The following PACRG variants were observed in gnomAD, a reference collection of about 807,000 sequenced individuals.
The protein encoded by PACRG is parkin coregulated, also known as parkin coregulated gene protein.
PACRG carries 29 observed loss-of-function variants against 29.7 expected under a neutral mutation model. That is an observed-to-expected ratio of 0.98 (90% CI 0.73 to 1.33). PACRG has a LOEUF of 1.33. Among genes scored for constraint, PACRG ranks in the 40% most tolerant of loss-of-function variants. PACRG has a pLI of 0.00. For synonymous variants in PACRG, 116 were observed against 118.7 expected (o/e 0.98, Z 0.15); for missense variants, 279 against 316.2 (o/e 0.88, Z 0.89).
At chr6:163,043,794 A>G (rs1809014259) in intron 2 of PACRG, among the ~76,000 whole-genome samples, 1 of 152,178 alleles carries the variant, frequency 6.6e-6, no homozygotes. Flanking sequence ...CGACATGGAC[A>G]TTGTCGGAAT....
chr6:163,277,421 G>A (rs1325067843), intron 4 of PACRG, among the ~76,000 whole-genome samples: 1 of 151,076 alleles, frequency 6.6e-6, no homozygotes, highest in Non-Finnish European at 1.5e-5. Context: ...AAGTTGCTGT[G>A]AATGTCGTTA....
intron 3 of PACRG, among the ~76,000 whole-genome samples, chr6:163,079,914 T>TTTC (rs1307350403): frequency 6.8e-6 from 1 of 146,710 alleles, no homozygotes; most frequent in African/African-American, 2.5e-5. Flanking sequence ...TTTTTTTTTT[T>TTTC]TGAGATGGAG....
In PACRG at chr6:163,271,970, T is replaced by C. The variant is rs536782853; in HGVS notation, c.614-42857T>C. ...CAACTGTGTTTTAAAGTTTTCTTCA[T>C]ATAGGTCATATAAAAACTATTGAAG... On this transcript the variant is annotated intron_variant, in intron 4 of 4. Coordinates refer to ENST00000366888, the MANE Select transcript of PACRG (RefSeq NM_001080379.2). 3.9e-5 allele frequency among the ~76,000 whole-genome samples: 6 copies of C among 152,320 alleles called. No individual in the cohort carries two copies. In the East Asian group the frequency reaches 1.2e-3, roughly 29 times the overall value.
At chr6:162,993,322 T>C (rs2128187569) in intron 2 of PACRG, among the ~76,000 whole-genome samples, 1 of 113,376 alleles carries the variant, frequency 8.8e-6, no homozygotes, top group African/African-American at 3.6e-5. Context: ...CATTGATCTG[T>C]CTAATGTTGA....
At chr6:163,248,906 C>A (rs547024370) in intron 4 of PACRG, among the ~76,000 whole-genome samples, 2 of 151,432 alleles carry the variant, frequency 1.3e-5, no homozygotes, top group East Asian at 3.9e-4. Context: ...TGGGACACTA[C>A]TCGGGAGGCT....
At chr6:162,728,459 C>T in intron 1 of PACRG, 68 bp downstream of exon 1, 3 of 1,568,758 alleles carry the variant, frequency 1.9e-6, no homozygotes, top group Non-Finnish European at 2.6e-6. Context: ...CAGAGGTTGG[C>T]CAGCCTTAGG....
chr6:162,787,686 A>G (rs1784616948), intron 1 of PACRG, among the ~76,000 whole-genome samples: 1 of 140,270 alleles, frequency 7.1e-6, no homozygotes. Flanking sequence ...TTTGTCTATT[A>G]TTATAAATAA....
intron 1 of PACRG, among the ~76,000 whole-genome samples, chr6:162,742,505 AG>A (rs749998454): frequency 4.6e-5 from 7 of 152,264 alleles, no homozygotes; most frequent in Middle Eastern, 3.4e-3. Flanking sequence ...ACAACATGTA[AG>A]TGAGATTGTG....
At chr6:162,975,887 G>A (rs1293616970) in intron 2 of PACRG, among the ~76,000 whole-genome samples, 1 of 150,546 alleles carries the variant, frequency 6.6e-6, no homozygotes, top group South Asian at 2.1e-4. Context: ...CTACCATACC[G>A]AGTACTGCAC....
chr6:163,032,236 C>G (rs1418453960), intron 2 of PACRG, among the ~76,000 whole-genome samples: 3 of 152,102 alleles, frequency 2.0e-5, no homozygotes, highest in African/African-American at 7.2e-5. Flanking sequence ...GCATTTTAAG[C>G]AAAAAGTTAA....
rs140119573 is a variant in PACRG at position 162,847,543 on chromosome 6, A to G, written c.291+33262A>G. 2.2e-4 allele frequency among the ~76,000 whole-genome samples: 33 copies of G among 151,052 alleles called. 1 individual carries two copies. The highest frequency in any genetic ancestry group is 7.8e-4 in the East Asian group (4 of 5,156). The stretch of plus-strand genomic sequence containing the variant: ...AGTATGTGTGTATTGTTGAATGGAT[A>G]AGGGGCCTCAGTATAAAGGTGTAAG... On this transcript the variant is annotated intron_variant, in intron 2 of 4. Coordinates refer to ENST00000366888, the MANE Select transcript of PACRG (RefSeq NM_001080379.2).
chr6:162,854,313 G>C (rs1245735229), intron 2 of PACRG, among the ~76,000 whole-genome samples: 1 of 143,642 alleles, frequency 7.0e-6, no homozygotes, highest in Non-Finnish European at 1.5e-5. Context: ...GAAAGTCCAT[G>C]AGTAGCTAAT....
At chr6:162,983,337 T>C (rs1802590255) in intron 2 of PACRG, among the ~76,000 whole-genome samples, 1 of 152,052 alleles carries the variant, frequency 6.6e-6, no homozygotes, top group Non-Finnish European at 1.5e-5. Context: ...GGTACTGTTT[T>C]ATTCATCATG....
At chr6:163,254,450 C>A (rs1445306379) in intron 4 of PACRG, among the ~76,000 whole-genome samples, 2 of 152,094 alleles carry the variant, frequency 1.3e-5, no homozygotes, top group Admixed American at 6.5e-5. Flanking sequence ...CAAACAGATC[C>A]ATTGTTATAT....
intron 1 of PACRG, among the ~76,000 whole-genome samples, chr6:162,788,179 C>T (rs1784661702): frequency 6.6e-6 from 1 of 152,248 alleles, no homozygotes; most frequent in Non-Finnish European, 1.5e-5. Context: ...TTTCTCCCTC[C>T]TCTGAATCCC....
At chr6:163,062,824 C>A (rs1211412462) in intron 3 of PACRG, among the ~76,000 whole-genome samples, 1 of 152,142 alleles carries the variant, frequency 6.6e-6, no homozygotes, top group Non-Finnish European at 1.5e-5. Flanking sequence ...TCTGGGGTAG[C>A]CCTGTGATTG....
At chr6:162,785,313 G>C (rs960144886) in intron 1 of PACRG, among the ~76,000 whole-genome samples, 1 of 152,216 alleles carries the variant, frequency 6.6e-6, no homozygotes, top group East Asian at 1.9e-4. Context: ...GAAAGAAATA[G>C]ATAAGTCTGC....
chr6:162,974,988 C>A (rs1365444411), intron 2 of PACRG, among the ~76,000 whole-genome samples: 19 of 152,152 alleles, frequency 1.2e-4, no homozygotes, highest in Non-Finnish European at 2.8e-4. Context: ...TACTCAAGAT[C>A]TGACTGTGGT....
intron 2 of PACRG, among the ~76,000 whole-genome samples, chr6:162,950,377 G>A (rs1375157509): frequency 7.2e-5 from 11 of 152,010 alleles, no homozygotes; most frequent in African/African-American, 1.2e-4. Context: ...GCGTGGTGGC[G>A]AGCGCCTGTA....
Sources: allele counts gnomAD v4.1 joint callset (sites outside exome capture counted in the v4.1 genomes callset), GRCh38; gene constraint gnomAD v4.1.1; transcripts MANE v1.5; gene names NCBI Gene and HGNC (gene_info 2026-07-23, HGNC 2026-07-21).